The following GALNT11 variants were observed in gnomAD, a reference collection of about 807,000 sequenced individuals.
The protein encoded by GALNT11 is UDP-GalNAc:polypeptide N-acetylgalactosaminyltransferase 11.
A neutral mutation model predicts 72.7 loss-of-function variants in GALNT11; 47 were observed. That is an observed-to-expected ratio of 0.65 (90% CI 0.51 to 0.82). The LOEUF is 0.82. GALNT11 is among the 40% of genes least tolerant of loss of function. GALNT11 has a pLI of 0.00. For missense variants in GALNT11, 677 were observed against 778.4 expected (o/e 0.87, Z 1.55); for synonymous variants, 270 against 286.6 (o/e 0.94, Z 0.58).
intron 9 of GALNT11, chr7:152,118,001 G>C (rs1365009743): frequency 2.0e-5 from 3 of 152,822 alleles, no homozygotes; most frequent in African/African-American, 4.8e-5. Context: ...GGTACTGTCT[G>C]TGTTGCCCAG....
chr7:152,057,005 T>G lies in GALNT11; in HGVS notation c.-39+31121T>G, dbSNP rs1343376019. ...AGGTGTGTGCCAGCATGCCCAGCTA[T>G]TTTTTTTTTTTTTTTTTTTTTTGGT... On this transcript the variant is annotated intron_variant, in intron 1 of 11. Coordinates refer to ENST00000430044, the MANE Select transcript of GALNT11 (RefSeq NM_022087.4). Among the ~76,000 whole-genome samples the G allele has an allele frequency of 3.1e-3, 16 of 5,200 alleles. No homozygotes were observed. The Admixed American group carries it at 0.076, about 25-fold the overall frequency. The allele number at this position is 5,200 out of a possible 152,430, so 3.4% of individuals were successfully genotyped here.
intron 1 of GALNT11, among the ~76,000 whole-genome samples, chr7:152,072,912 A>G (rs777295893): frequency 6.6e-6 from 1 of 152,232 alleles, no homozygotes; most frequent in Non-Finnish European, 1.5e-5. Flanking sequence ...CGCCTTGCTA[A>G]GGAAACTTTT....
At chr7:152,053,024 G>T (rs2083474721) in intron 1 of GALNT11, among the ~76,000 whole-genome samples, 1 of 152,150 alleles carries the variant, frequency 6.6e-6, no homozygotes, top group Non-Finnish European at 1.5e-5. Context: ...TCTCCTGCTG[G>T]TCCTCCTTTG....
Position 152,121,411 on chromosome 7 carries a change from G to A in GALNT11, c.1696-135G>A, listed in dbSNP as rs912639512. The A allele has an allele frequency of 1.5e-5, 15 of 994,274 alleles. No homozygotes were observed. In the African/African-American group the frequency reaches 2.4e-4, roughly 16 times the overall value. 61.6% of individuals were successfully genotyped at this position (994,274 alleles called of 1,614,324 possible). A position where few individuals can be genotyped will look rare whatever the true frequency, so the allele number is the denominator to read the frequency against. On this transcript the variant is annotated intron_variant, in intron 11 of 11. Coordinates refer to ENST00000430044, the MANE Select transcript of GALNT11 (RefSeq NM_022087.4). ...TGTATTGTGCTGCAGATAACAAACA[G>A]CAGAAAACTAACCTTTGGCTAAGAG...
At chr7:152,054,104 A>T (rs2083534858) in intron 1 of GALNT11, among the ~76,000 whole-genome samples, 1 of 151,860 alleles carries the variant, frequency 6.6e-6, no homozygotes, top group Non-Finnish European at 1.5e-5. Context: ...CCCATGACTC[A>T]TTTGCTATAG....
chr7:152,118,694 C>T lies in GALNT11; in HGVS notation c.1469C>T (p.Thr490Ile), dbSNP rs200902600. The T allele has an allele frequency of 1.9e-6, 3 of 1,610,636 alleles. No homozygotes were observed. Among genetic ancestry groups the T allele is most frequent in the East Asian group, 4.5e-5 (2 of 44,604 alleles). ...LQRGRLYHLQTNKCLVAQGRP... is the reference protein window; with the variant it reads ...LQRGRLYHLQINKCLVAQGRP... Reference sequence around the variant, plus strand: ...CTCTTACAGCTCTATCACCTCCAGACCAACAAATGCCTGGTGGCCCAGGGC... The same window carrying T: ...CTCTTACAGCTCTATCACCTCCAGATCAACAAATGCCTGGTGGCCCAGGGC... The change falls in exon 10 of 12, where the codon ACC becomes ATC. Residue 490 changes from threonine (T) to isoleucine (I), a missense_variant. Coordinates refer to ENST00000430044, the MANE Select transcript of GALNT11 (RefSeq NM_022087.4).
chr7:152,082,147 T>C (rs1263246534), intron 1 of GALNT11, among the ~76,000 whole-genome samples: 1 of 152,244 alleles, frequency 6.6e-6, no homozygotes, highest in Non-Finnish European at 1.5e-5. Flanking sequence ...GTATTTTTGC[T>C]GGGTATTGCT....
intron 1 of GALNT11, among the ~76,000 whole-genome samples, chr7:152,057,690 C>G (rs1178107113): frequency 6.6e-6 from 1 of 152,082 alleles, no homozygotes; most frequent in Non-Finnish European, 1.5e-5. Flanking sequence ...TTTAGCGTAG[C>G]CTTAGATTTA....
chr7:152,109,159 C>T (rs1318670036), intron 6 of GALNT11, among the ~76,000 whole-genome samples: 1 of 152,234 alleles, frequency 6.6e-6, no homozygotes, highest in Non-Finnish European at 1.5e-5. Flanking sequence ...AGGCTCTATC[C>T]GGGATTGCTC....
chr7:152,096,828 G>A (rs968390014), intron 2 of GALNT11, among the ~76,000 whole-genome samples: 2 of 151,982 alleles, frequency 1.3e-5, no homozygotes, highest in African/African-American at 4.8e-5. Flanking sequence ...ATGCTTGTTT[G>A]TAATTTTATT....
chr7:152,059,610 T>C (rs58861485), intron 1 of GALNT11, among the ~76,000 whole-genome samples: 2 of 152,166 alleles, frequency 1.3e-5, no homozygotes, highest in Admixed American at 1.3e-4. Flanking sequence ...GAAAACAACA[T>C]TTATCTCCTT....
At chr7:152,084,468 C>T (rs1287324316) in intron 1 of GALNT11, among the ~76,000 whole-genome samples, 1 of 148,856 alleles carries the variant, frequency 6.7e-6, no homozygotes, top group Admixed American at 6.7e-5. Context: ...AATATTTTCT[C>T]TCACAGTGTT....
intron 1 of GALNT11, among the ~76,000 whole-genome samples, chr7:152,081,684 A>G (rs1181807002): frequency 1.3e-5 from 2 of 152,180 alleles, no homozygotes; most frequent in African/African-American, 4.8e-5. Flanking sequence ...CCCTGACCCC[A>G]TACCACTCTA....
intron 1 of GALNT11, among the ~76,000 whole-genome samples, chr7:152,052,677 G>C (rs2152034891): frequency 6.6e-6 from 1 of 152,152 alleles, no homozygotes; most frequent in Admixed American, 6.5e-5. Flanking sequence ...GGCCCTTCCT[G>C]GGTTCTTCCT....
intron 1 of GALNT11, among the ~76,000 whole-genome samples, chr7:152,072,887 G>A (rs2084741396): frequency 1.3e-5 from 2 of 152,218 alleles, no homozygotes; most frequent in African/African-American, 4.8e-5. Flanking sequence ...CACCCTTTCT[G>A]CAGAGAGTAA....
At chr7:152,041,147 A>G (rs571406094) in intron 1 of GALNT11, among the ~76,000 whole-genome samples, 7 of 152,280 alleles carry the variant, frequency 4.6e-5, no homozygotes, top group Non-Finnish European at 7.4e-5. Flanking sequence ...GGTTTCAGGT[A>G]TCTTGATGGT....
intron 1 of GALNT11, among the ~76,000 whole-genome samples, chr7:152,091,765 T>C (rs144502200): frequency 6.6e-6 from 1 of 152,154 alleles, no homozygotes; most frequent in Non-Finnish European, 1.5e-5. Flanking sequence ...AAGTTCCTTA[T>C]GTGGAATTTA....
intron 1 of GALNT11, among the ~76,000 whole-genome samples, chr7:152,030,390 G>A (rs538638891): frequency 6.6e-6 from 1 of 152,192 alleles, no homozygotes; most frequent in South Asian, 2.1e-4. Context: ...GTATGGCCTG[G>A]TTTTTCCTAG....
intron 1 of GALNT11, among the ~76,000 whole-genome samples, chr7:152,046,903 G>T (rs2083154036): frequency 6.6e-6 from 1 of 152,006 alleles, no homozygotes; most frequent in African/African-American, 2.4e-5. Flanking sequence ...TTTAGTGAAG[G>T]TGATTTTCTC....
Sources: gnomAD v4.1 joint callset for allele counts (sites outside exome capture counted in the v4.1 genomes callset) on GRCh38, gnomAD v4.1.1 for gene constraint, MANE v1.5 for transcripts, NCBI Gene and HGNC (gene_info 2026-07-23, HGNC 2026-07-21) for gene names.